Variants in NRXN3 observed in about 807,000 individuals in gnomAD.
The protein encoded by NRXN3 is neurexin 3, also known as neurexin III.
A neutral mutation model predicts 137.6 loss-of-function variants in NRXN3; 32 were observed. The ratio of observed to expected loss-of-function variants is 0.23; its 90% CI spans 0.18 to 0.31. The LOEUF is 0.31. Among genes scored for constraint, NRXN3 ranks in the 10% least tolerant of loss-of-function variants. The pLI is 1.00. For missense variants in NRXN3, 1,574 were observed against 2,062.5 expected, an observed-to-expected ratio of 0.76 and a Z score of 4.59; for synonymous variants, 798 against 784.5, an observed-to-expected ratio of 1.02 and a Z score of -0.29.
chr14:79,689,329 G>T (rs189368289), intron 17 of NRXN3, among the ~76,000 whole-genome samples: 1 of 152,014 alleles, frequency 6.6e-6, no homozygotes, highest in African/African-American at 2.4e-5. Flanking sequence ...GGTTGTTTGC[G>T]CTTCAGTCAA....
chr14:78,840,702 A>C (rs1000575453), intron 10 of NRXN3, among the ~76,000 whole-genome samples: 13 of 152,174 alleles, frequency 8.5e-5, no homozygotes, highest in Non-Finnish European at 1.5e-4. Flanking sequence ...TGGCTTTGAA[A>C]GGTTTCTATC....
At chr14:78,231,234 C>A (rs983796) in intron 1 of NRXN3, 8,115 of 152,194 alleles carry the variant, frequency 0.053, 246 homozygotes, top group Non-Finnish European at 0.059. Flanking sequence ...TCTTTTTCTC[C>A]CCCAGAGAAT....
chr14:78,660,209 GAT>G (rs1352875608), intron 6 of NRXN3, among the ~76,000 whole-genome samples: 1 of 150,684 alleles, frequency 6.6e-6, no homozygotes, highest in Non-Finnish European at 1.5e-5. Context: ...ACTAAAGAAG[GAT>G]TTGCTGCTTA....
At chr14:79,384,257 G>A (rs556305770) in intron 15 of NRXN3, among the ~76,000 whole-genome samples, 1 of 152,126 alleles carries the variant, frequency 6.6e-6, no homozygotes, top group African/African-American at 2.4e-5. Flanking sequence ...AGAGGGAGGT[G>A]GGGGAAGAGA....
intron 17 of NRXN3, among the ~76,000 whole-genome samples, chr14:79,680,725 A>G (rs2098666175): frequency 6.6e-6 from 1 of 152,160 alleles, no homozygotes; most frequent in Non-Finnish European, 1.5e-5. Flanking sequence ...CTGTGAAATC[A>G]TGTATGGAAT....
At chr14:78,622,509 T>C (rs1268881079) in intron 4 of NRXN3, among the ~76,000 whole-genome samples, 2 of 152,208 alleles carry the variant, frequency 1.3e-5, no homozygotes, top group Non-Finnish European at 2.9e-5. Flanking sequence ...ATCAGAGGAT[T>C]CTTCTCTCTT....
At chr14:79,712,305 C>T (rs940167673) in intron 19 of NRXN3, among the ~76,000 whole-genome samples, 7 of 152,200 alleles carry the variant, frequency 4.6e-5, no homozygotes, top group Admixed American at 3.9e-4. Flanking sequence ...TGAGCTTTCT[C>T]ATGCTCTCCC....
At chr14:78,268,290 G>GTTTTGT (rs58273807) in intron 2 of NRXN3, among the ~76,000 whole-genome samples, 1 of 151,906 alleles carries the variant, frequency 6.6e-6, no homozygotes, top group Non-Finnish European at 1.5e-5. Flanking sequence ...GTTTTGTTTT[G>GTTTTGT]TTTTCAAAGA....
chr14:79,760,959 T>G (rs1470983096), intron 19 of NRXN3, among the ~76,000 whole-genome samples: 4 of 151,448 alleles, frequency 2.6e-5, no homozygotes, highest in Non-Finnish European at 1.5e-5. Context: ...TCATAACCCT[T>G]TTCCATAATT....
intron 16 of NRXN3, among the ~76,000 whole-genome samples, chr14:79,662,923 C>T (rs2098541120): frequency 6.6e-6 from 1 of 152,120 alleles, no homozygotes; most frequent in Non-Finnish European, 1.5e-5. Context: ...GAGATTACAA[C>T]TGAACAGGAG....
intron 4 of NRXN3, among the ~76,000 whole-genome samples, chr14:78,618,277 G>A (rs1235697403): frequency 7.2e-6 from 1 of 138,458 alleles, no homozygotes; most frequent in East Asian, 2.1e-4. Context: ...TTTTTTTGAT[G>A]TGGCAAAAAC....
At chr14:78,199,362 T>A (rs2061483622) in intron 1 of NRXN3, among the ~76,000 whole-genome samples, 1 of 152,164 alleles carries the variant, frequency 6.6e-6, no homozygotes, top group East Asian at 1.9e-4. Context: ...GAACTAGGTG[T>A]AGGGCATTCT....
chr14:79,269,768 A>G (rs890874992), intron 15 of NRXN3, among the ~76,000 whole-genome samples: 1 of 152,200 alleles, frequency 6.6e-6, no homozygotes, highest in African/African-American at 2.4e-5. Context: ...CAGATCACAG[A>G]AACAGTAGCT....
chr14:78,751,011 G>A (rs940158184), intron 8 of NRXN3, among the ~76,000 whole-genome samples: 2 of 152,202 alleles, frequency 1.3e-5, no homozygotes, highest in South Asian at 2.1e-4. Flanking sequence ...CGGGGAGGCC[G>A]TTTTGTCATG....
chr14:79,000,598 A>C (rs2099539460), intron 15 of NRXN3, among the ~76,000 whole-genome samples: 1 of 152,126 alleles, frequency 6.6e-6, no homozygotes, highest in Non-Finnish European at 1.5e-5. Context: ...CTTAAGAGTA[A>C]GTGTTCTTTC....
Position 78,242,386 on chromosome 14 carries a change from C to G in NRXN3, c.-703-5C>G, listed in dbSNP as rs1057050695. ...CTCTCCTTCTCCCTCCCCCTCTTCC[C>G]ACAGGTCTTTTCTCTGGAGTCCTGG... On this transcript the variant is annotated splice_region_variant and splice_polypyrimidine_tract_variant and intron_variant, in intron 1 of 20. Transcript: ENST00000335750. 6.6e-6 allele frequency: 1 copy of G among 152,334 alleles called. No individual in the cohort carries two copies. Among genetic ancestry groups the G allele is most frequent in the African/African-American group, 2.4e-5 (1 of 41,440 alleles). The allele number at this position is 152,334 out of a possible 1,614,324, so 9.4% of individuals were successfully genotyped here. A position where few individuals can be genotyped will look rare whatever the true frequency, so the allele number is the denominator to read the frequency against.
At position 78,659,733 on chromosome 14, in the gene NRXN3, G is replaced by A. The variant is rs989035656; in HGVS notation, c.1221+8407G>A. 1.4e-3 allele frequency among the ~76,000 whole-genome samples: 204 copies of A among 142,942 alleles called. 3 individuals are homozygous for A. Among genetic ancestry groups the A allele is most frequent in the African/African-American group, 4.8e-3 (182 of 38,262 alleles). 93.8% of individuals were successfully genotyped at this position (142,942 alleles called of 152,430 possible). On this transcript the variant is annotated intron_variant, in intron 6 of 20. Coordinates refer to ENST00000335750, the MANE Select transcript of NRXN3 (RefSeq NM_001330195.2). ...TGAGGACAAAAAAAAAAAAAAAAAA[G>A]TCAAATATTGGCAATGTCGGGTGAT...
chr14:78,468,949 T>A (rs2050338925), intron 4 of NRXN3, among the ~76,000 whole-genome samples: 1 of 151,846 alleles, frequency 6.6e-6, no homozygotes, highest in South Asian at 2.1e-4. Flanking sequence ...GCTACTGAGA[T>A]GAGATGGTCA....
chr14:78,171,942 G>A (rs2058763072), intron 1 of NRXN3, among the ~76,000 whole-genome samples: 1 of 152,062 alleles, frequency 6.6e-6, no homozygotes, highest in South Asian at 2.1e-4. Flanking sequence ...AGCTAGCTTA[G>A]GATGGAGCAA....
Sources: gnomAD v4.1 joint callset for allele counts (sites outside exome capture counted in the v4.1 genomes callset) on GRCh38, gnomAD v4.1.1 for gene constraint, MANE v1.5 for transcripts, NCBI Gene and HGNC (gene_info 2026-07-23, HGNC 2026-07-21) for gene names.